The following TERF1 variants were observed in gnomAD, a reference collection of about 807,000 sequenced individuals.
TERF1 encodes the protein telomeric repeat-binding factor 1.
Under a neutral mutation model 55.1 loss-of-function variants are expected in TERF1, and 20 were observed. The observed-to-expected ratio is 0.36, with a 90% CI of 0.26 to 0.53. The LOEUF is 0.53. Ranked by LOEUF, TERF1 falls within the 20% of genes least tolerant of loss-of-function variation. The pLI is 0.91. For synonymous variants in TERF1, 168 were observed against 181.2 expected (o/e 0.93, Z 0.59); for missense variants, 439 against 535.7 (o/e 0.82, Z 1.78).
At chr8:73,022,897 G>T (rs554259373) in intron 4 of TERF1, among the ~76,000 whole-genome samples, 4 of 152,050 alleles carry the variant, frequency 2.6e-5, no homozygotes, top group African/African-American at 7.2e-5. Context: ...CTGCCACTGC[G>T]CTCCAGCCTA....
intron 5 of TERF1, among the ~76,000 whole-genome samples, chr8:73,025,305 A>G (rs997861565): frequency 2.0e-5 from 3 of 152,206 alleles, no homozygotes; most frequent in African/African-American, 7.2e-5. Flanking sequence ...TTGGGGAAAA[A>G]TAGAATTGTA....
At chr8:73,043,021 A>G (rs1382687308) in intron 9 of TERF1, 2 of 152,186 alleles carry the variant, frequency 1.3e-5, no homozygotes, top group Non-Finnish European at 2.9e-5. Flanking sequence ...GAGGAAATGG[A>G]AAGTTTTAAG....
intron 2 of TERF1, among the ~76,000 whole-genome samples, chr8:73,017,430 A>C (rs1324605385): frequency 5.3e-5 from 8 of 152,174 alleles, no homozygotes; most frequent in Admixed American, 3.9e-4. Context: ...ACAGTGCCTG[A>C]CACTCAGTGT....
At chr8:73,023,971 G>A (rs1459681946) in intron 4 of TERF1, among the ~76,000 whole-genome samples, 2 of 152,066 alleles carry the variant, frequency 1.3e-5, no homozygotes, top group Non-Finnish European at 2.9e-5. Flanking sequence ...ACTTTTAACT[G>A]CATATTTTAA....
At chr8:73,037,665 ATAT>A (rs1253550971) in intron 8 of TERF1, among the ~76,000 whole-genome samples, 1,928 of 51,554 alleles carry the variant, frequency 0.037, 135 homozygotes, top group African/African-American at 0.12. Flanking sequence ...ATGTATAATA[ATAT>A]TATATTATAT....
intron 7 of TERF1, 144 bp downstream of exon 7, chr8:73,030,539 T>G (rs1809242375): frequency 3.9e-6 from 2 of 506,740 alleles, no homozygotes; most frequent in East Asian, 7.1e-5. Flanking sequence ...TAGTCACGAC[T>G]CTGAGACATC....
chr8:73,015,566 G>C (rs548581875), intron 2 of TERF1, among the ~76,000 whole-genome samples: 1 of 151,996 alleles, frequency 6.6e-6, no homozygotes, highest in African/African-American at 2.4e-5. Flanking sequence ...GGCTGGGCGT[G>C]GTGATTCACG....
chr8:73,014,114 G>A, intron 2 of TERF1, 124 bp downstream of exon 2: 1 of 706,352 alleles, frequency 1.4e-6, no homozygotes, highest in Non-Finnish European at 2.5e-6. Context: ...AGGGGTGTGG[G>A]GGGGTGGTGT....
At chr8:73,015,018 G>C (rs1390153420) in intron 2 of TERF1, among the ~76,000 whole-genome samples, 1 of 152,190 alleles carries the variant, frequency 6.6e-6, no homozygotes, top group African/African-American at 2.4e-5. Flanking sequence ...TCTACATTAA[G>C]GTGGAAAAGT....
chr8:73,039,436 C>G (rs1264461373), intron 9 of TERF1, among the ~76,000 whole-genome samples: 4 of 152,230 alleles, frequency 2.6e-5, no homozygotes, highest in African/African-American at 9.6e-5. Flanking sequence ...GGTGTTGGTA[C>G]TGACATCTGT....
At chr8:73,039,476 C>A (rs1356030216) in intron 9 of TERF1, among the ~76,000 whole-genome samples, 1 of 152,136 alleles carries the variant, frequency 6.6e-6, no homozygotes, top group Non-Finnish European at 1.5e-5. Flanking sequence ...ATCATAAAAT[C>A]TGTTTATTAG....
intron 1 of TERF1, chr8:73,010,775 A>T (rs796116257): frequency 2.0e-5 from 3 of 152,354 alleles, no homozygotes; most frequent in African/African-American, 7.2e-5. Context: ...GTTATTTCAC[A>T]GTTACTTGTA....
chr8:73,037,831 T>C (rs1450202065), intron 8 of TERF1, among the ~76,000 whole-genome samples: 1 of 91,190 alleles, frequency 1.1e-5, no homozygotes, highest in African/African-American at 4.0e-5. Flanking sequence ...ATATATAGTA[T>C]AATAATATAT....
Position 73,020,683 on chromosome 8 carries a change from G to A in TERF1, c.416-1G>A. ...ACTTATTTTTGTTCTGTTTTTAAAAGATGCACAGTTTGAAAATGATGAACG... is the reference window on the plus strand; with the variant it reads ...ACTTATTTTTGTTCTGTTTTTAAAAAATGCACAGTTTGAAAATGATGAACG... On this transcript the variant is annotated splice_acceptor_variant, in intron 2 of 9. Transcript: ENST00000276603. LOFTEE classifies it high-confidence loss of function. 6.3e-7 allele frequency: 1 copy of A among 1,590,440 alleles called. No homozygotes were observed. Among genetic ancestry groups the A allele is most frequent in the Non-Finnish European group, 8.5e-7 (1 of 1,172,608 alleles).
intron 4 of TERF1, among the ~76,000 whole-genome samples, chr8:73,024,501 A>G (rs985588216): frequency 1.3e-5 from 2 of 152,222 alleles, no homozygotes; most frequent in Non-Finnish European, 2.9e-5. Context: ...GAAAGGGAAT[A>G]CAATCAGATT....
At chr8:73,027,466 C>T (rs139868553) in intron 6 of TERF1, among the ~76,000 whole-genome samples, 17 of 152,218 alleles carry the variant, frequency 1.1e-4, no homozygotes, top group Admixed American at 9.2e-4. Context: ...ATCTGGTGCT[C>T]AACTGAAGAA....
At chr8:73,037,792 A>G (rs1412250473) in intron 8 of TERF1, among the ~76,000 whole-genome samples, 2 of 49,344 alleles carry the variant, frequency 4.1e-5, no homozygotes, top group African/African-American at 1.4e-4. Context: ...TATATAATAT[A>G]TAGTATAATA....
chr8:73,039,770 G>GGTGTGTGTGTGTGTGTGT (rs35184446), intron 9 of TERF1, among the ~76,000 whole-genome samples: 30 of 136,454 alleles, frequency 2.2e-4, no homozygotes, highest in African/African-American at 7.4e-4. Flanking sequence ...TTGTTTTTGT[G>GGTGTGTGTGTGTGTGTGT]GTGTGTGTGT....
intron 2 of TERF1, 43 bp downstream of exon 2, chr8:73,014,033 G>A: frequency 2.0e-6 from 3 of 1,474,482 alleles, no homozygotes; most frequent in Non-Finnish European, 2.8e-6. Flanking sequence ...ATTTCAATCT[G>A]TTTCTAATGT....
Sources: allele counts gnomAD v4.1 joint callset (sites outside exome capture counted in the v4.1 genomes callset), GRCh38; gene constraint gnomAD v4.1.1; transcripts MANE v1.5; gene names NCBI Gene and HGNC (gene_info 2026-07-23, HGNC 2026-07-21).